The following FAM184B variants were observed in gnomAD, a reference collection of about 807,000 sequenced individuals.
FAM184B encodes family with sequence similarity 184 member B, also known as protein FAM184B.
Under a neutral mutation model 135.9 loss-of-function variants are expected in FAM184B, and 111 were observed. The ratio of observed to expected loss-of-function variants is 0.82; its 90% CI spans 0.70 to 0.96. FAM184B has a LOEUF of 0.96. Ranked by LOEUF, FAM184B falls within the 40% of genes least tolerant of loss-of-function variation. The pLI, the probability that FAM184B is intolerant of heterozygous loss-of-function variation, is 0.00. For synonymous variants in FAM184B, 552 were observed against 524.8 expected (o/e 1.05, Z -0.71); for missense variants, 1,375 against 1,323.9 (o/e 1.04, Z -0.60).
rs1715508443 is a variant in FAM184B, at chr4:17,647,735, CCTT to C, written c.2245_2247del (p.Lys749del). ...AGCTCGGCCTGCAGTGCCTCCAAGT[CCTT>C]CTGGTGCCCAGAACAGGCAGCTTGC... On this transcript the variant is annotated inframe_deletion, in exon 12 of 18. Transcript: ENST00000265018. 2 of 1,551,036 alleles carry C rather than the reference CCTT, an allele frequency of 1.3e-6. No individual in the cohort carries two copies. Among genetic ancestry groups the C allele is most frequent in the Non-Finnish European group, 1.7e-6 (2 of 1,147,002 alleles).
chr4:17,711,310 C>T (rs907760263), intron 1 of FAM184B, among the ~76,000 whole-genome samples: 1 of 151,880 alleles, frequency 6.6e-6, no homozygotes, highest in African/African-American at 2.4e-5. Flanking sequence ...GAAACCCCGC[C>T]TCTACTAAAA....
intron 9 of FAM184B, among the ~76,000 whole-genome samples, chr4:17,659,545 G>A (rs185552461): frequency 0.011 from 1,733 of 151,836 alleles, 22 homozygotes; most frequent in Non-Finnish European, 0.017. Context: ...GGAGTGCAGC[G>A]GTGCGATCTC....
At chr4:17,754,826 G>T (rs1263747388) in intron 1 of FAM184B, among the ~76,000 whole-genome samples, 1 of 151,868 alleles carries the variant, frequency 6.6e-6, no homozygotes, top group African/African-American at 2.4e-5. Context: ...AATGTTTAAA[G>T]TGGGAAAAAG....
chr4:17,738,030 C>T (rs997253079), intron 1 of FAM184B, among the ~76,000 whole-genome samples: 1 of 152,114 alleles, frequency 6.6e-6, no homozygotes, highest in Non-Finnish European at 1.5e-5. Context: ...GCATAATATT[C>T]CACATATCAT....
chr4:17,661,576 G>A (rs10440301), intron 8 of FAM184B, among the ~76,000 whole-genome samples: 95,267 of 152,066 alleles, frequency 0.63, 30,397 homozygotes, highest in East Asian at 0.92. Context: ...AAATAAAACT[G>A]TACATATTAA....
chr4:17,703,670 C>T (rs1239978222), intron 5 of FAM184B, among the ~76,000 whole-genome samples: 16 of 151,984 alleles, frequency 1.1e-4, no homozygotes, highest in South Asian at 2.1e-4. Context: ...TGGTGGCTCA[C>T]GCCTGTAATC....
rs937195104 is a variant in FAM184B at position 17,708,978 on chromosome 4, G to A, written c.808C>T (p.Arg270Trp). 2.6e-6 allele frequency: 4 copies of A among 1,550,602 alleles called. No individual in the cohort carries two copies. The highest frequency in any genetic ancestry group is 3.5e-6 in the Non-Finnish European group (4 of 1,146,828). Reference sequence around the variant, plus strand: ...TGCTCCAGGTCTCCTTCCAGCTTCCGGACCTGAGCCTGCAGGGCTGACTCC... The same window carrying A: ...TGCTCCAGGTCTCCTTCCAGCTTCCAGACCTGAGCCTGCAGGGCTGACTCC... ...VQESALQAQVRKLEGDLEHRG... is the reference protein window; with the variant it reads ...VQESALQAQVWKLEGDLEHRG... The change falls in exon 2 of 18, where the codon CGG (arginine) becomes TGG (tryptophan). Residue 270 changes from arginine (R) to tryptophan (W), a missense_variant. Arg to Trp is a moderately radical substitution (Grantham distance 101). Coordinates refer to ENST00000265018, the MANE Select transcript of FAM184B (RefSeq NM_015688.2).
chr4:17,728,157 G>A (rs911245155), intron 1 of FAM184B, among the ~76,000 whole-genome samples: 4 of 152,240 alleles, frequency 2.6e-5, no homozygotes, highest in South Asian at 2.1e-4. Flanking sequence ...TCATAATGAC[G>A]ATGACAATCA....
In FAM184B at chr4:17,688,419, G is replaced by A; in HGVS notation, c.1596+5C>T. 1 of 1,543,578 alleles carries A rather than the reference G, an allele frequency of 6.5e-7. No homozygotes were observed. The highest frequency in any genetic ancestry group is 8.8e-7 in the Non-Finnish European group (1 of 1,142,222). The stretch of plus-strand genomic sequence containing the variant: ...TTAATTAAATCTGACAAAGCTGGAG[G>A]TTACCTGGGTCTCCAGAATGCTGCA... On this transcript the variant is annotated splice_donor_5th_base_variant and intron_variant, in intron 7 of 17. Coordinates refer to ENST00000265018, the MANE Select transcript of FAM184B (RefSeq NM_015688.2).
intron 13 of FAM184B, among the ~76,000 whole-genome samples, chr4:17,639,982 C>G (rs1179025350): frequency 3.9e-5 from 6 of 151,914 alleles, no homozygotes; most frequent in Non-Finnish European, 8.8e-5. Context: ...GCGCCCAGCA[C>G]CAGGCCCAGC....
rs762642185 is a variant in FAM184B at position 17,652,146 on chromosome 4, T to TTTTC, written c.2191+683_2191+684insGAAA. Among the ~76,000 whole-genome samples, 2 of 131,934 alleles carry TTTTC rather than the reference T, an allele frequency of 1.5e-5. 1 individual carries two copies. 86.6% of individuals were successfully genotyped at this position (131,934 alleles called of 152,430 possible). ...TTTAATATCTTTTTTTTTTTTTTTT[T>TTTTC]TTGAGTCTTGCACTGTCGCCCAGGC... On this transcript the variant is annotated intron_variant, in intron 11 of 17. Coordinates refer to ENST00000265018, the MANE Select transcript of FAM184B (RefSeq NM_015688.2).
intron 1 of FAM184B, among the ~76,000 whole-genome samples, chr4:17,749,433 T>C (rs1360451270): frequency 6.6e-6 from 1 of 151,532 alleles, no homozygotes; most frequent in Non-Finnish European, 1.5e-5. Flanking sequence ...AAAAAGATGC[T>C]TCAGGAAAGG....
At chr4:17,714,140 G>A (rs1717355100) in intron 1 of FAM184B, among the ~76,000 whole-genome samples, 1 of 152,168 alleles carries the variant, frequency 6.6e-6, no homozygotes, top group Non-Finnish European at 1.5e-5. Context: ...TAGGTTCACA[G>A]TAAGTATCTG....
intron 1 of FAM184B, among the ~76,000 whole-genome samples, chr4:17,765,976 T>TC (rs959849741): frequency 7.2e-5 from 11 of 152,162 alleles, no homozygotes; most frequent in African/African-American, 9.6e-5. Flanking sequence ...GGTTATTCAT[T>TC]CCCCCCGGCA....
intron 10 of FAM184B, among the ~76,000 whole-genome samples, chr4:17,657,845 C>T (rs1715812699): frequency 6.6e-6 from 1 of 151,948 alleles, no homozygotes; most frequent in African/African-American, 2.4e-5. Flanking sequence ...TTAGTAGAGA[C>T]AGGGTTTCAC....
At chr4:17,660,708 T>G (rs1163540345) in intron 8 of FAM184B, among the ~76,000 whole-genome samples, 1 of 151,862 alleles carries the variant, frequency 6.6e-6, no homozygotes, top group African/African-American at 2.4e-5. Context: ...CTTCCTTAAT[T>G]CGGAACTTTT....
Position 17,631,591 on chromosome 4 carries a change from G to GTACT in FAM184B, c.*937_*940dup, listed in dbSNP as rs1182557505. 1.3e-5 allele frequency: 2 copies of GTACT among 151,096 alleles called. No homozygotes were observed. The highest frequency in any genetic ancestry group is 4.9e-5 in the African/African-American group (2 of 40,414). 9.4% of individuals were successfully genotyped at this position (151,096 alleles called of 1,614,324 possible). A position where few individuals can be genotyped will look rare whatever the true frequency, so the allele number is the denominator to read the frequency against. On this transcript the variant is annotated 3_prime_UTR_variant, in exon 18 of 18. Coordinates refer to ENST00000265018, the MANE Select transcript of FAM184B (RefSeq NM_015688.2). ...TGGTTATTTACAGAAAAACCTTGTG[G>GTACT]TACTTAATTCCAATTCATGTTAATT...
intron 14 of FAM184B, 79 bp from the exon 15 acceptor site, chr4:17,636,724 G>T: frequency 8.4e-7 from 1 of 1,193,184 alleles, no homozygotes; most frequent in Non-Finnish European, 1.2e-6. Flanking sequence ...CACACGATGG[G>T]AATGCCATCC....
intron 5 of FAM184B, among the ~76,000 whole-genome samples, chr4:17,695,944 A>G (rs1279060396): frequency 6.6e-6 from 1 of 152,192 alleles, no homozygotes; most frequent in East Asian, 1.9e-4. Context: ...TAAGACATTA[A>G]AGAACCAAGC....
Sources: allele counts gnomAD v4.1 joint callset (sites outside exome capture counted in the v4.1 genomes callset), GRCh38; gene constraint gnomAD v4.1.1; transcripts MANE v1.5; gene names NCBI Gene and HGNC (gene_info 2026-07-23, HGNC 2026-07-21).